Variants in RCC1 observed in about 807,000 individuals in gnomAD.
The protein encoded by RCC1 is regulator of chromosome condensation 1, also known as regulator of chromosome condensation.
RCC1 carries 11 observed loss-of-function variants against 44.4 expected under a neutral mutation model. That is an observed-to-expected ratio of 0.25 (90% confidence interval 0.16 to 0.41). RCC1 has a LOEUF of 0.41. Among genes scored for constraint, RCC1 ranks in the 10% least tolerant of loss-of-function variants. RCC1 has a pLI of 1.00. For synonymous variants in RCC1, 213 were observed against 216.5 expected, an observed-to-expected ratio of 0.98 and a Z score of 0.14; for missense variants, 386 against 547.1, an observed-to-expected ratio of 0.71 and a Z score of 2.94.
intron 4 of RCC1, among the ~76,000 whole-genome samples, chr1:28,523,157 G>A (rs1445426170): frequency 1.4e-5 from 2 of 144,696 alleles, no homozygotes; most frequent in Admixed American, 7.3e-5. Flanking sequence ...TCAGCCTCCC[G>A]AGTAGCTAGG....
chr1:28,515,934 C>T (rs1662871779), intron 3 of RCC1, among the ~76,000 whole-genome samples: 1 of 152,040 alleles, frequency 6.6e-6, no homozygotes, highest in Non-Finnish European at 1.5e-5. Context: ...GTAATCCCAG[C>T]ACTTTGGTAG....
In RCC1 at chr1:28,529,162, C is replaced by T. The variant is rs1326936249; in HGVS notation, c.-9-696C>T. Among the ~76,000 whole-genome samples, 7 of 138,364 alleles carry T rather than the reference C, an allele frequency of 5.1e-5. No homozygotes were observed. In the East Asian group the frequency reaches 1.1e-3, roughly 21 times the overall value. 90.8% of individuals were successfully genotyped at this position (138,364 alleles called of 152,430 possible). On this transcript the variant is annotated intron_variant, in intron 4 of 12. Transcript: ENST00000683442. ...AGTGCCAAAGTACTGGGATTACAGG[C>T]GTGAGCCACCGCGCCCAGGCTTTTT...
At chr1:28,520,673 C>G (rs1345193233) in intron 4 of RCC1, among the ~76,000 whole-genome samples, 1 of 152,146 alleles carries the variant, frequency 6.6e-6, no homozygotes, top group Non-Finnish European at 1.5e-5. Context: ...CTCCCAGAGA[C>G]TGTATGCTCC....
Position 28,508,900 on chromosome 1 carries a change from G to A in RCC1, c.-158G>A. 2 of 515,484 alleles carry A rather than the reference G, an allele frequency of 3.9e-6. No individual in the cohort carries two copies. The highest frequency in any genetic ancestry group is 2.8e-5 in the South Asian group (2 of 71,106). The allele number at this position is 515,484 out of a possible 1,614,324, so 31.9% of individuals were successfully genotyped here. A position where few individuals can be genotyped will look rare whatever the true frequency, so the allele number is the denominator to read the frequency against. Reference sequence around the variant, plus strand: ...TTTAGGGTCCTTTATATAGAAGGGAGAGTAGGTAAACTGATTTTTTTTTTT... The same window carrying A: ...TTTAGGGTCCTTTATATAGAAGGGAAAGTAGGTAAACTGATTTTTTTTTTT... On this transcript the variant is annotated 5_prime_UTR_variant, in exon 3 of 13. Coordinates refer to ENST00000683442, the MANE Select transcript of RCC1 (RefSeq NM_001381865.2).
intron 3 of RCC1, among the ~76,000 whole-genome samples, chr1:28,513,103 CTG>C (rs1396987515): frequency 6.6e-6 from 1 of 151,780 alleles, no homozygotes; most frequent in African/African-American, 2.4e-5. Flanking sequence ...GAGTCTCACT[CTG>C]TTGCCAAAGC....
In RCC1 at chr1:28,529,965, G is replaced by C. The variant is rs374624306; in HGVS notation, c.73+26G>C. 5.7e-6 allele frequency: 9 copies of C among 1,589,964 alleles called. No individual in the cohort carries two copies. In the African/African-American group the frequency reaches 1.2e-4, roughly 21 times the overall value. Reference sequence around the variant, plus strand: ...GTAAGTTGGCCTTGGCCTCTTTGTGGGTACAGGTGGCCCCTTGAAACCCTA... The same window carrying C: ...GTAAGTTGGCCTTGGCCTCTTTGTGCGTACAGGTGGCCCCTTGAAACCCTA... On this transcript the variant is annotated intron_variant, in intron 5 of 12. Transcript: ENST00000683442.
intron 4 of RCC1, among the ~76,000 whole-genome samples, chr1:28,523,011 G>A (rs1663385576): frequency 6.7e-6 from 1 of 149,184 alleles, no homozygotes; most frequent in East Asian, 1.9e-4. Flanking sequence ...GGGGAGGAAG[G>A]AGGCAGAAGA....
At chr1:28,513,786 T>C (rs1662700849) in intron 3 of RCC1, among the ~76,000 whole-genome samples, 1 of 152,008 alleles carries the variant, frequency 6.6e-6, no homozygotes, top group Non-Finnish European at 1.5e-5. Flanking sequence ...GGTCTCATGA[T>C]GTTGTCCCAG....
intron 5 of RCC1, chr1:28,530,697 C>A: frequency 8.2e-7 from 1 of 1,220,066 alleles, no homozygotes; most frequent in Non-Finnish European, 1.1e-6. Flanking sequence ...AGGGGCTGGG[C>A]GCCATTGGCT....
Position 28,508,056 on chromosome 1 carries a change from G to C in RCC1, c.-261-72G>C, listed in dbSNP as rs774481781. The C allele has an allele frequency of 8.2e-5, 33 of 403,870 alleles. 1 individual carries two copies. Among genetic ancestry groups the C allele is most frequent in the Non-Finnish European group, 1.6e-4 (31 of 194,482 alleles). The allele number at this position is 403,870 out of a possible 1,614,324, so 25.0% of individuals were successfully genotyped here. ...GTGCCACTGTACTCCAACCCCAGGC[G>C]ATAGCATGAGGCCCCTCGTTGAAAA... is the stretch of plus-strand genomic sequence containing the variant. On this transcript the variant is annotated intron_variant, in intron 1 of 12. Coordinates refer to ENST00000683442, the MANE Select transcript of RCC1 (RefSeq NM_001381865.2).
chr1:28,526,298 C>T, intron 4 of RCC1: 1 of 260,586 alleles, frequency 3.8e-6, no homozygotes, highest in Non-Finnish European at 7.6e-6. Context: ...AAAAAACAAA[C>T]AAACAAACAA....
chr1:28,509,078 C>A (rs1475670188), intron 3 of RCC1, 173 bp downstream of exon 3: 9 of 360,524 alleles, frequency 2.5e-5, no homozygotes, highest in Non-Finnish European at 4.3e-5. Context: ...GCTGGGATTA[C>A]AAACATAAGC....
In RCC1 at chr1:28,536,047, C is replaced by G; in HGVS notation, c.817+21C>G. On this transcript the variant is annotated intron_variant, in intron 10 of 12. Transcript: ENST00000683442. This position sits in a 1 kb window ranked among gnomAD's most constrained non-coding sequence, Gnocchi z 4.9. ...GCTTGGTGAGCCCCGAGCCCAGCTT[C>G]AGGCATGACCCAGTGGCCTGCGTTC... The G allele has an allele frequency of 1.3e-6, 2 of 1,592,284 alleles. No individual in the cohort carries two copies. Among genetic ancestry groups the G allele is most frequent in the Non-Finnish European group, 1.7e-6 (2 of 1,167,402 alleles).
intron 7 of RCC1, chr1:28,532,579 G>C (rs1664247544): frequency 3.7e-6 from 2 of 545,450 alleles, no homozygotes; most frequent in Non-Finnish European, 6.7e-6. Context: ...CCTGGGAAGT[G>C]AGTGGGTCAA....
chr1:28,517,249 T>G (rs12239131), intron 4 of RCC1, among the ~76,000 whole-genome samples: 3 of 152,146 alleles, frequency 2.0e-5, no homozygotes, highest in Non-Finnish European at 4.4e-5. Context: ...TGCAAGGGTT[T>G]CAGGGAACAC....
At chr1:28,535,424 C>T (rs1664485898) in intron 9 of RCC1, 44 bp downstream of exon 9, 1 of 1,609,180 alleles carries the variant, frequency 6.2e-7, no homozygotes, top group Non-Finnish European at 8.5e-7. Flanking sequence ...TGGCAGGCCA[C>T]CCCCACAGTG....
chr1:28,537,464 G>T (rs1418527205), intron 12 of RCC1, among the ~76,000 whole-genome samples: 12 of 152,132 alleles, frequency 7.9e-5, no homozygotes, highest in African/African-American at 1.2e-4. Context: ...AGGAAGTGGG[G>T]CTTGCACTGT....
intron 7 of RCC1, chr1:28,532,859 A>G: frequency 2.6e-6 from 1 of 389,058 alleles, no homozygotes; most frequent in Non-Finnish European, 5.2e-6. Flanking sequence ...CTTGTTGCCC[A>G]GGCTGGAGTG....
chr1:28,531,665 A>G, intron 5 of RCC1, 138 bp from the exon 6 acceptor site: 1 of 597,302 alleles, frequency 1.7e-6, no homozygotes, highest in Non-Finnish European at 2.6e-6. Flanking sequence ...TTCACAGATG[A>G]CAAAACTTAG....
Sources: gnomAD v4.1 joint callset for allele counts (sites outside exome capture counted in the v4.1 genomes callset) on GRCh38, gnomAD v4.1.1 for gene constraint, Gnocchi (gnomAD v3.1) non-coding constraint, MANE v1.5 for transcripts, NCBI Gene and HGNC (gene_info 2026-07-23, HGNC 2026-07-21) for gene names.